Variants in NLGN1 observed in about 807,000 individuals in gnomAD.
NLGN1 encodes the protein neuroligin-1.
NLGN1 carries 12 observed loss-of-function variants against 65.5 expected under a neutral mutation model. That is an observed-to-expected ratio of 0.18 (90% CI 0.12 to 0.30). The LOEUF (loss-of-function observed/expected upper bound fraction) is 0.30, where lower values mean the gene tolerates loss of function less well. Ranked by LOEUF, NLGN1 falls within the 10% of genes least tolerant of loss-of-function variation. NLGN1 has a pLI of 1.00. For missense variants in NLGN1, 750 were observed against 1,007.1 expected, an observed-to-expected ratio of 0.74 and a Z score of 3.46; for synonymous variants, 350 against 359.5, an observed-to-expected ratio of 0.97 and a Z score of 0.30.
intron 4 of NLGN1, among the ~76,000 whole-genome samples, chr3:174,139,525 A>C (rs941000309): frequency 6.6e-6 from 1 of 152,016 alleles, no homozygotes; most frequent in Admixed American, 6.6e-5. Flanking sequence ...CTACTGAAGG[A>C]CATCTTGCTT....
intron 4 of NLGN1, among the ~76,000 whole-genome samples, chr3:174,174,827 G>A (rs1304279346): frequency 1.3e-5 from 2 of 151,844 alleles, no homozygotes; most frequent in Admixed American, 6.6e-5. Flanking sequence ...GTGTCCCACA[G>A]GTGATTTTAG....
chr3:173,660,022 T>C (rs1760691711), intron 3 of NLGN1, among the ~76,000 whole-genome samples: 1 of 151,956 alleles, frequency 6.6e-6, no homozygotes, highest in Admixed American at 6.6e-5. Context: ...TTCTATACTT[T>C]GTTGATTTGT....
At chr3:174,082,661 G>A (rs1454505347) in intron 4 of NLGN1, among the ~76,000 whole-genome samples, 1 of 151,728 alleles carries the variant, frequency 6.6e-6, no homozygotes, top group African/African-American at 2.4e-5. Flanking sequence ...TTTTTAATAA[G>A]AAAATATATA....
At chr3:173,511,438 G>A (rs1523343) in intron 2 of NLGN1, among the ~76,000 whole-genome samples, 80,390 of 151,934 alleles carry the variant, frequency 0.53, 21,866 homozygotes, top group East Asian at 0.85. Flanking sequence ...GTGTTAACAC[G>A]TTCTGTCGAT....
chr3:173,406,816 C>T (rs972651574), intron 1 of NLGN1, among the ~76,000 whole-genome samples: 4 of 152,096 alleles, frequency 2.6e-5, no homozygotes, highest in African/African-American at 7.2e-5. Flanking sequence ...TCCTTTCTTT[C>T]GTTGTAGCTG....
intron 1 of NLGN1, among the ~76,000 whole-genome samples, chr3:173,418,772 A>AT (rs1560224190): frequency 6.6e-6 from 1 of 151,842 alleles, no homozygotes; most frequent in African/African-American, 2.4e-5. Flanking sequence ...GTACATATTA[A>AT]CCCATATGTT....
At chr3:174,187,227 A>G (rs1024261224) in intron 4 of NLGN1, among the ~76,000 whole-genome samples, 2 of 152,028 alleles carry the variant, frequency 1.3e-5, no homozygotes, top group African/African-American at 4.8e-5. Context: ...TGTAGAGCAT[A>G]TGGATTTAGA....
intron 3 of NLGN1, among the ~76,000 whole-genome samples, chr3:173,635,473 G>A (rs1302275065): frequency 6.6e-6 from 1 of 152,128 alleles, no homozygotes; most frequent in African/African-American, 2.4e-5. Flanking sequence ...TGTATTGAAG[G>A]TCTAGGTTCA....
At chr3:173,500,325 T>A (rs183302861) in intron 2 of NLGN1, among the ~76,000 whole-genome samples, 168 of 152,294 alleles carry the variant, frequency 1.1e-3, no homozygotes, top group African/African-American at 3.8e-3. Context: ...GGTTTTTGTC[T>A]TTGGTTCTGT....
intron 4 of NLGN1, among the ~76,000 whole-genome samples, chr3:173,906,055 T>G (rs1738324668): frequency 6.6e-6 from 1 of 152,164 alleles, no homozygotes; most frequent in South Asian, 2.1e-4. Context: ...ACCAATAAAT[T>G]CTCTTTAATT....
intron 2 of NLGN1, among the ~76,000 whole-genome samples, chr3:173,548,737 G>A (rs1036206406): frequency 6.6e-6 from 1 of 151,846 alleles, no homozygotes; most frequent in East Asian, 1.9e-4. Flanking sequence ...ACGCTAACAC[G>A]TGTGTGTATG....
intron 2 of NLGN1, among the ~76,000 whole-genome samples, chr3:173,546,326 T>C (rs1411215720): frequency 6.6e-6 from 1 of 152,128 alleles, no homozygotes; most frequent in Non-Finnish European, 1.5e-5. Flanking sequence ...TCACATATGA[T>C]AGGTATGTAT....
chr3:173,756,203 G>A (rs1354655917), intron 3 of NLGN1, among the ~76,000 whole-genome samples: 3 of 151,670 alleles, frequency 2.0e-5, no homozygotes, highest in African/African-American at 7.3e-5. Flanking sequence ...CTTTTATGTG[G>A]TAAGACCCAT....
intron 4 of NLGN1, among the ~76,000 whole-genome samples, chr3:173,873,471 A>G (rs1051636103): frequency 6.6e-6 from 1 of 152,218 alleles, no homozygotes; most frequent in Non-Finnish European, 1.5e-5. Flanking sequence ...AAAAACTAAC[A>G]TAACTATTTG....
chr3:173,505,395 G>T lies in NLGN1; in HGVS notation c.-321+70317G>T, dbSNP rs115699343. Among the ~76,000 whole-genome samples, 906 of 152,200 alleles carry T rather than the reference G, an allele frequency of 6.0e-3. 4 individuals are homozygous for T. Among genetic ancestry groups the T allele is most frequent in the Middle Eastern group, 0.024 (7 of 294 alleles). On this transcript the variant is annotated intron_variant, in intron 2 of 6. Transcript: ENST00000457714. ...TTTTGAGAACATAGATCTACATCATGCCAGTGCCTTACTTAAAATTCTGCA... is the reference window on the plus strand; with the variant it reads ...TTTTGAGAACATAGATCTACATCATTCCAGTGCCTTACTTAAAATTCTGCA...
At chr3:173,959,897 C>T (rs1192576759) in intron 4 of NLGN1, among the ~76,000 whole-genome samples, 1 of 152,020 alleles carries the variant, frequency 6.6e-6, no homozygotes, top group Non-Finnish European at 1.5e-5. Flanking sequence ...AATATTTTCA[C>T]CCACTTTTCC....
At chr3:174,128,475 A>G (rs1719434793) in intron 4 of NLGN1, among the ~76,000 whole-genome samples, 1 of 152,228 alleles carries the variant, frequency 6.6e-6, no homozygotes. Flanking sequence ...ACAACGGCTC[A>G]GTTGAATGGA....
At chr3:173,574,376 T>C (rs1157126528) in intron 2 of NLGN1, among the ~76,000 whole-genome samples, 1 of 151,938 alleles carries the variant, frequency 6.6e-6, no homozygotes, top group African/African-American at 2.4e-5. Context: ...GACTTCTGTC[T>C]TTCAATTGAG....
intron 4 of NLGN1, among the ~76,000 whole-genome samples, chr3:174,235,157 A>T (rs1302648209): frequency 6.6e-6 from 1 of 151,992 alleles, no homozygotes; most frequent in Non-Finnish European, 1.5e-5. Flanking sequence ...TCATATGTCC[A>T]GGAGTTTGCA....
Sources: allele counts gnomAD v4.1 joint callset (sites outside exome capture counted in the v4.1 genomes callset), GRCh38; gene constraint gnomAD v4.1.1; transcripts MANE v1.5; gene names NCBI Gene and HGNC (gene_info 2026-07-23, HGNC 2026-07-21).